Variants in CNTNAP4 observed in about 807,000 individuals in gnomAD.
CNTNAP4 encodes the protein contactin-associated protein-like 4.
A neutral mutation model predicts 148.4 loss-of-function variants in CNTNAP4; 98 were observed. That is an observed-to-expected ratio of 0.66 (90% confidence interval 0.56 to 0.78). The LOEUF (loss-of-function observed/expected upper bound fraction) is 0.78, where lower values mean the gene tolerates loss of function less well. Among genes scored for constraint, CNTNAP4 ranks in the 30% least tolerant of loss-of-function variants. The probability of loss-of-function intolerance (pLI) is 0.00; values close to 1 mark genes in which losing one functional copy is unlikely to be tolerated. For missense variants in CNTNAP4, 1,935 were observed against 1,565.6 expected (o/e 1.24, Z -3.98); for synonymous variants, 730 against 565.1 (o/e 1.29, Z -4.14).
intron 2 of CNTNAP4, among the ~76,000 whole-genome samples, chr16:76,349,441 C>T (rs1965190559): frequency 6.6e-6 from 1 of 152,084 alleles, no homozygotes; most frequent in Non-Finnish European, 1.5e-5. Flanking sequence ...TCTCTTCCAG[C>T]TGAAACAAAC....
At chr16:76,303,162 T>C (rs1205933476) in intron 1 of CNTNAP4, among the ~76,000 whole-genome samples, 1 of 152,192 alleles carries the variant, frequency 6.6e-6, no homozygotes, top group Non-Finnish European at 1.5e-5. Context: ...TCTAATCTCA[T>C]GTTATTGCTC....
chr16:76,545,597 C>A (rs60832011), intron 21 of CNTNAP4, among the ~76,000 whole-genome samples: 2,570 of 152,074 alleles, frequency 0.017, 71 homozygotes, highest in African/African-American at 0.058. Context: ...AAAAAAAATA[C>A]CAAATGATAA....
At chr16:76,362,098 A>G (rs1015662213) in intron 3 of CNTNAP4, among the ~76,000 whole-genome samples, 3 of 152,090 alleles carry the variant, frequency 2.0e-5, no homozygotes, top group African/African-American at 7.2e-5. Flanking sequence ...TTTAGTTTAT[A>G]CATACTAACG....
chr16:76,526,036 A>G (rs1468549729), intron 17 of CNTNAP4, among the ~76,000 whole-genome samples: 1 of 152,046 alleles, frequency 6.6e-6, no homozygotes, highest in Non-Finnish European at 1.5e-5. Context: ...GATAAATACC[A>G]TAAAGTAAAA....
At chr16:76,436,983 ATCTG>A (rs974027795) in intron 4 of CNTNAP4, among the ~76,000 whole-genome samples, 16 of 150,512 alleles carry the variant, frequency 1.1e-4, no homozygotes, top group African/African-American at 3.2e-4. Context: ...CTATCTATCT[ATCTG>A]TCTATCTAGG....
In CNTNAP4 at chr16:76,558,830, C is replaced by A; in HGVS notation, c.*147C>A. 1 of 541,024 alleles carries A rather than the reference C, an allele frequency of 1.8e-6. No individual in the cohort carries two copies. The highest frequency in any genetic ancestry group is 3.2e-6 in the Non-Finnish European group (1 of 311,128). 33.5% of individuals were successfully genotyped at this position (541,024 alleles called of 1,614,324 possible). A position where few individuals can be genotyped will look rare whatever the true frequency, so the allele number is the denominator to read the frequency against. ...TGCCATGTACAGGCTTGGGGTGGCT[C>A]CAGGAAGCCTCGTCCAGTGATATAT... On this transcript the variant is annotated 3_prime_UTR_variant, in exon 24 of 24. Coordinates refer to ENST00000611870, the MANE Select transcript of CNTNAP4 (RefSeq NM_033401.5).
chr16:76,557,981 A>T (rs1043716821), intron 23 of CNTNAP4: 1 of 152,218 alleles, frequency 6.6e-6, no homozygotes, highest in Non-Finnish European at 1.5e-5. Context: ...ATATAGAAAT[A>T]ATTTAGGCAT....
At chr16:76,404,266 A>C (rs1261527564) in intron 3 of CNTNAP4, among the ~76,000 whole-genome samples, 1 of 152,152 alleles carries the variant, frequency 6.6e-6, no homozygotes, top group Non-Finnish European at 1.5e-5. Flanking sequence ...AAAAAAACTA[A>C]AGTCAAAAAA....
intron 2 of CNTNAP4, among the ~76,000 whole-genome samples, chr16:76,326,166 A>G (rs1346945217): frequency 1.3e-5 from 2 of 152,194 alleles, no homozygotes; most frequent in Non-Finnish European, 2.9e-5. Context: ...GTCAAGGACA[A>G]ACAAGAAAGG....
Position 76,521,174 on chromosome 16 carries a change from G to A in CNTNAP4, c.2400G>A (p.Glu800=), listed in dbSNP as rs1180282237. 2.5e-6 allele frequency: 4 copies of A among 1,605,630 alleles called. No homozygotes were observed. Among genetic ancestry groups the A allele is most frequent in the East Asian group, 4.5e-5 (2 of 44,540 alleles). The change falls in exon 16 of 24, where the codon GAG becomes GAA. Residue 800 remains glutamate, a synonymous_variant. Coordinates refer to ENST00000611870, the MANE Select transcript of CNTNAP4 (RefSeq NM_033401.5). The part of the protein sequence containing the change: ...SFWNSASFDT[E]ASYLHFPTFH... ...GGAATTCAGCTTCCTTTGATACCGA[G>A]GCTTCATATCTTCATTTTCCTACCT... is the stretch of plus-strand genomic sequence containing the variant.
chr16:76,390,441 C>T (rs149730677), intron 3 of CNTNAP4, among the ~76,000 whole-genome samples: 14 of 152,232 alleles, frequency 9.2e-5, no homozygotes, highest in African/African-American at 3.1e-4. Context: ...CTTGTCTCCT[C>T]CTAAAAACCC....
At chr16:76,536,899 C>A (rs1415126151) in intron 18 of CNTNAP4, among the ~76,000 whole-genome samples, 4 of 152,126 alleles carry the variant, frequency 2.6e-5, no homozygotes, top group Non-Finnish European at 2.9e-5. Flanking sequence ...GGCTATTGAA[C>A]CTTTTCCTGA....
chr16:76,316,816 C>G (rs1832615081), intron 2 of CNTNAP4, among the ~76,000 whole-genome samples: 1 of 152,082 alleles, frequency 6.6e-6, no homozygotes, highest in South Asian at 2.1e-4. Flanking sequence ...AGTGATGAAA[C>G]CTTAATTGGC....
At chr16:76,544,044 A>G (rs559832666) in intron 21 of CNTNAP4, among the ~76,000 whole-genome samples, 1 of 152,296 alleles carries the variant, frequency 6.6e-6, no homozygotes, top group East Asian at 1.9e-4. Context: ...GATTTCGATA[A>G]TCGTGATAAC....
intron 17 of CNTNAP4, among the ~76,000 whole-genome samples, chr16:76,522,831 C>T (rs1457526320): frequency 1.3e-5 from 2 of 150,594 alleles, no homozygotes; most frequent in East Asian, 2.0e-4. Context: ...AGTGCGATCT[C>T]GGCTCACTGC....
chr16:76,451,898 C>G (rs2080496646), intron 7 of CNTNAP4, among the ~76,000 whole-genome samples: 1 of 151,978 alleles, frequency 6.6e-6, no homozygotes, highest in African/African-American at 2.4e-5. Context: ...ATGTTCTCAA[C>G]ACAAAGAAAA....
intron 3 of CNTNAP4, among the ~76,000 whole-genome samples, chr16:76,393,628 C>T (rs1008514162): frequency 1.3e-5 from 2 of 151,354 alleles, no homozygotes; most frequent in Non-Finnish European, 2.9e-5. Context: ...ATGAAGCAGG[C>T]ATCAGCAAGG....
At chr16:76,425,936 G>C (rs1198789480) in intron 3 of CNTNAP4, among the ~76,000 whole-genome samples, 1 of 152,126 alleles carries the variant, frequency 6.6e-6, no homozygotes, top group Non-Finnish European at 1.5e-5. Context: ...GAAGACATTG[G>C]GGGTGATGGC....
intron 2 of CNTNAP4, among the ~76,000 whole-genome samples, chr16:76,327,897 A>G (rs186277351): frequency 4.1e-4 from 61 of 148,396 alleles, no homozygotes; most frequent in East Asian, 4.1e-3. Flanking sequence ...TCAATAACAC[A>G]TTTCCTTTGG....
Sources: gnomAD v4.1 joint callset for allele counts (sites outside exome capture counted in the v4.1 genomes callset) on GRCh38, gnomAD v4.1.1 for gene constraint, MANE v1.5 for transcripts, NCBI Gene and HGNC (gene_info 2026-07-23, HGNC 2026-07-21) for gene names.